The following LRP1B variants were observed in gnomAD, a reference collection of about 807,000 sequenced individuals.
LRP1B encodes the protein LDL receptor related protein 1B.
A neutral mutation model predicts 556.6 loss-of-function variants in LRP1B; 217 were observed. That is an observed-to-expected ratio of 0.39 (90% CI 0.35 to 0.44). The LOEUF (loss-of-function observed/expected upper bound fraction) is 0.44, where lower values mean the gene tolerates loss of function less well. Among genes scored for constraint, LRP1B ranks in the 20% least tolerant of loss-of-function variants. LRP1B has a pLI of 1.00. For missense variants in LRP1B, 5,053 were observed against 5,620.8 expected (o/e 0.90, Z 3.23); for synonymous variants, 2,047 against 1,865.8 (o/e 1.10, Z -2.50).
At position 141,059,771 on chromosome 2, in the gene LRP1B, G is replaced by T. The variant is rs79083083; in HGVS notation, c.1237-717C>A. ...CTCTTTGGCAAAGGTCTTAGAGTTT[G>T]TGGGGAGGAATGGATATCTTGAACT... On this transcript the variant is annotated intron_variant, in intron 8 of 90. Transcript: ENST00000389484. 2.0e-5 allele frequency among the ~76,000 whole-genome samples: 3 copies of T among 151,768 alleles called. No homozygotes were observed. The East Asian group carries it at 5.8e-4, about 30-fold the overall frequency.
chr2:140,357,862 G>GGCATC, intron 74 of LRP1B, 117 bp downstream of exon 74: 1 of 1,143,786 alleles, frequency 8.7e-7, no homozygotes, highest in Non-Finnish European at 1.2e-6. Context: ...TTTGAAAAAG[G>GGCATC]GCATCAGTCA....
intron 3 of LRP1B, among the ~76,000 whole-genome samples, chr2:141,431,163 A>AAATAAATAAATAAATGAATG (rs1390298793): frequency 6.6e-6 from 1 of 151,900 alleles, no homozygotes; most frequent in African/African-American, 2.4e-5. Flanking sequence ...ATAAATAAAT[A>AAATAAATAAATAAATGAATG]AATGAAATAG....
intron 41 of LRP1B, among the ~76,000 whole-genome samples, chr2:140,655,951 C>CAAAAAAAAAAAAAAAAAAAAAAAAA (rs1286848376): frequency 6.7e-6 from 1 of 148,830 alleles, no homozygotes; most frequent in African/African-American, 2.5e-5. Context: ...TCAAAAAAAA[C>CAAAAAAAAAAAAAAAAAAAAAAAAA]AAAAAAAGAA....
intron 35 of LRP1B, among the ~76,000 whole-genome samples, chr2:140,735,446 GAC>G (rs1411930869): frequency 6.6e-6 from 1 of 152,150 alleles, no homozygotes; most frequent in Admixed American, 6.6e-5. Context: ...TAGAAAAATG[GAC>G]ACAGCTGAGC....
chr2:141,905,606 A>T (rs114072405), intron 1 of LRP1B, among the ~76,000 whole-genome samples: 3 of 151,970 alleles, frequency 2.0e-5, no homozygotes, highest in East Asian at 3.9e-4. Flanking sequence ...ATACTGATCA[A>T]GAAAGGAATC....
intron 2 of LRP1B, among the ~76,000 whole-genome samples, chr2:141,731,319 A>G (rs1292150076): frequency 1.3e-5 from 2 of 152,090 alleles, no homozygotes; most frequent in East Asian, 3.9e-4. Flanking sequence ...CAGAAGGCTC[A>G]GAGACACATT....
At chr2:140,508,414 C>A (rs1300929761) in intron 52 of LRP1B, among the ~76,000 whole-genome samples, 1 of 152,174 alleles carries the variant, frequency 6.6e-6, no homozygotes, top group Non-Finnish European at 1.5e-5. Flanking sequence ...TCTCCCCAGA[C>A]TGCCCCAGGC....
At chr2:141,240,175 G>A (rs1683811210) in intron 5 of LRP1B, among the ~76,000 whole-genome samples, 1 of 152,014 alleles carries the variant, frequency 6.6e-6, no homozygotes, top group African/African-American at 2.4e-5. Context: ...ATGATTTTAG[G>A]CATCCTGATT....
At chr2:141,150,309 C>T (rs1201732331) in intron 7 of LRP1B, among the ~76,000 whole-genome samples, 1 of 152,246 alleles carries the variant, frequency 6.6e-6, no homozygotes, top group South Asian at 2.1e-4. Context: ...TGATCTGCTC[C>T]CTTAGTATTT....
intron 3 of LRP1B, chr2:141,286,772 A>G: frequency 6.8e-6 from 3 of 438,880 alleles, no homozygotes; most frequent in South Asian, 4.7e-5. Context: ...TTGTACTTGT[A>G]CATTGTACAA....
chr2:141,494,135 C>T (rs1268477362), intron 2 of LRP1B, among the ~76,000 whole-genome samples: 1 of 152,160 alleles, frequency 6.6e-6, no homozygotes, highest in African/African-American at 2.4e-5. Context: ...TTGGCACAGC[C>T]TCAAGGCCTG....
chr2:140,958,386 A>G (rs1352260328), intron 18 of LRP1B, among the ~76,000 whole-genome samples: 1 of 151,714 alleles, frequency 6.6e-6, no homozygotes, highest in East Asian at 1.9e-4. Flanking sequence ...CAAATAGGAC[A>G]TTCAGAAATG....
intron 6 of LRP1B, among the ~76,000 whole-genome samples, chr2:141,191,273 A>G: frequency 6.6e-6 from 1 of 151,958 alleles, no homozygotes; most frequent in Non-Finnish European, 1.5e-5. Flanking sequence ...ATCTTTTGTT[A>G]GTCTAATTGG....
chr2:140,267,839 A>G (rs567207270), intron 86 of LRP1B, among the ~76,000 whole-genome samples: 1 of 152,126 alleles, frequency 6.6e-6, no homozygotes, highest in African/African-American at 2.4e-5. Flanking sequence ...GTTGCTCTAA[A>G]CTACCACAAT....
intron 2 of LRP1B, among the ~76,000 whole-genome samples, chr2:141,544,471 G>A (rs138236445): frequency 1.6e-3 from 232 of 145,594 alleles, no homozygotes; most frequent in African/African-American, 5.6e-3. Context: ...TAGAGGAGGT[G>A]TGTCTCACTA....
intron 17 of LRP1B, among the ~76,000 whole-genome samples, chr2:140,989,153 T>G (rs1348127593): frequency 6.6e-6 from 1 of 151,956 alleles, no homozygotes; most frequent in Admixed American, 6.6e-5. Flanking sequence ...TAAATAAAAT[T>G]TATAAATTAT....
intron 23 of LRP1B, among the ~76,000 whole-genome samples, chr2:140,896,243 T>A (rs1007790821): frequency 1.3e-5 from 2 of 151,978 alleles, no homozygotes; most frequent in African/African-American, 4.8e-5. Context: ...TATTGAGATA[T>A]GAGAAAACTG....
chr2:141,399,664 A>G (rs1690373944), intron 3 of LRP1B, among the ~76,000 whole-genome samples: 1 of 152,240 alleles, frequency 6.6e-6, no homozygotes, highest in African/African-American at 2.4e-5. Context: ...ACTAATAGCC[A>G]TGCAAAGTGC....
chr2:140,943,769 G>A (rs1383182249), intron 20 of LRP1B, among the ~76,000 whole-genome samples: 1 of 152,044 alleles, frequency 6.6e-6, no homozygotes, highest in Non-Finnish European at 1.5e-5. Flanking sequence ...TTTGACAAAA[G>A]TAGTCTTAAG....
Sources: allele counts gnomAD v4.1 joint callset (sites outside exome capture counted in the v4.1 genomes callset), GRCh38; gene constraint gnomAD v4.1.1; transcripts MANE v1.5; gene names NCBI Gene and HGNC (gene_info 2026-07-23, HGNC 2026-07-21).